Variants in POU3F3 observed in about 807,000 individuals in gnomAD.
The protein encoded by POU3F3 is POU domain, class 3, transcription factor 3.
POU3F3 carries 1 observed loss-of-function variant against 8.6 expected under a neutral mutation model. That is an observed-to-expected ratio of 0.12 (90% CI 0.04 to 0.55). POU3F3 has a LOEUF of 0.55. Ranked by LOEUF, POU3F3 falls within the 20% of genes least tolerant of loss-of-function variation. The probability of loss-of-function intolerance (pLI) is 0.91; values close to 1 mark genes in which losing one functional copy is unlikely to be tolerated. For missense variants in POU3F3, 577 were observed against 690.7 expected, an observed-to-expected ratio of 0.84 and a Z score of 1.84; for synonymous variants, 418 against 327.4, an observed-to-expected ratio of 1.28 and a Z score of -2.99.
At chr2:104,879,622 G>A in the POU3F3 span, among the ~76,000 whole-genome samples, 1 of 152,142 alleles carries the variant, frequency 6.6e-6, no homozygotes, top group Non-Finnish European at 1.5e-5. Context: ...GGGTGGCCCT[G>A]AAGTGGGGTG....
chr2:104,900,942 T>C, the POU3F3 span, among the ~76,000 whole-genome samples: 15 of 152,360 alleles, frequency 9.8e-5, no homozygotes, highest in African/African-American at 3.1e-4. Context: ...CCCATATCAC[T>C]TTATTTTACC....
chr2:104,899,369 A>G, the POU3F3 span, among the ~76,000 whole-genome samples: 1 of 152,042 alleles, frequency 6.6e-6, no homozygotes, highest in African/African-American at 2.4e-5. Context: ...CTAAAAAGAG[A>G]CCCATTTTTC....
At chr2:104,879,489 T>C in the POU3F3 span, among the ~76,000 whole-genome samples, 2 of 151,878 alleles carry the variant, frequency 1.3e-5, no homozygotes, top group African/African-American at 4.8e-5. Context: ...TCCCAATTTC[T>C]TTGAAAAAAA....
At chr2:104,889,380 C>T in the POU3F3 span, among the ~76,000 whole-genome samples, 3 of 152,174 alleles carry the variant, frequency 2.0e-5, no homozygotes, top group East Asian at 1.9e-4. Context: ...AGGTTCCACC[C>T]AGGAAGAGGA....
upstream of POU3F3, among the ~76,000 whole-genome samples, chr2:104,854,083 T>C (rs1171832385): frequency 6.6e-6 from 1 of 151,762 alleles, no homozygotes; most frequent in East Asian, 1.9e-4. The surrounding 1 kb of genome is among the most constrained non-coding windows in gnomAD (Gnocchi z 4.5). Context: ...GAAAGTGTGG[T>C]GGTGGGTGCG....
At chr2:104,902,163 C>T in the POU3F3 span, among the ~76,000 whole-genome samples, 1 of 152,140 alleles carries the variant, frequency 6.6e-6, no homozygotes, top group African/African-American at 2.4e-5. Context: ...TTACCTGCAA[C>T]CTTCTCCTTG....
the POU3F3 span, among the ~76,000 whole-genome samples, chr2:104,893,224 T>C: frequency 6.6e-6 from 1 of 152,126 alleles, no homozygotes; most frequent in East Asian, 1.9e-4. Context: ...TAAACACAGG[T>C]TGACAAAGAT....
At chr2:104,900,260 T>G in the POU3F3 span, among the ~76,000 whole-genome samples, 1 of 152,202 alleles carries the variant, frequency 6.6e-6, no homozygotes, top group Non-Finnish European at 1.5e-5. Flanking sequence ...ACACTGCGCA[T>G]GGTTAGATGA....
At chr2:104,922,351 T>G in the POU3F3 span, among the ~76,000 whole-genome samples, 2 of 146,908 alleles carry the variant, frequency 1.4e-5, no homozygotes, top group Non-Finnish European at 3.0e-5. Flanking sequence ...GATGACAGCC[T>G]TGCTAGACAA....
At chr2:104,889,344 G>A in the POU3F3 span, among the ~76,000 whole-genome samples, 1 of 152,096 alleles carries the variant, frequency 6.6e-6, no homozygotes, top group Non-Finnish European at 1.5e-5. Context: ...TGCTAGTGCG[G>A]CTTCCCACCT....
chr2:104,864,153 A>T, the POU3F3 span, among the ~76,000 whole-genome samples: 33 of 152,252 alleles, frequency 2.2e-4, no homozygotes, highest in African/African-American at 7.9e-4. Context: ...CTGCGGGGAG[A>T]TCCTGAGACC....
the POU3F3 span, among the ~76,000 whole-genome samples, chr2:104,911,414 C>CA: frequency 0.17 from 10,526 of 60,420 alleles, 812 homozygotes; most frequent in East Asian, 0.4. Context: ...GACTCCGTCT[C>CA]AAAAAAAAAA....
At chr2:104,890,621 G>A in the POU3F3 span, among the ~76,000 whole-genome samples, 4 of 152,204 alleles carry the variant, frequency 2.6e-5, no homozygotes, top group Middle Eastern at 6.8e-3. Flanking sequence ...GGCTATCCTG[G>A]GTCTCCTGGC....
chr2:104,916,748 A>T, the POU3F3 span, among the ~76,000 whole-genome samples: 1 of 152,184 alleles, frequency 6.6e-6, no homozygotes, highest in African/African-American at 2.4e-5. Context: ...GGTAGCAAGG[A>T]TGATCTGGGG....
the POU3F3 span, among the ~76,000 whole-genome samples, chr2:104,914,647 G>A: frequency 0.018 from 2,669 of 152,246 alleles, 73 homozygotes; most frequent in African/African-American, 0.061. Context: ...TGTGTCTGGC[G>A]ATTGGAAGAC....
In POU3F3 at chr2:104,856,286, T is replaced by G; in HGVS notation, c.776T>G (p.Leu259Arg). 1 of 1,471,916 alleles carries G rather than the reference T, an allele frequency of 6.8e-7. No individual in the cohort carries two copies. Among genetic ancestry groups the G allele is most frequent in the Non-Finnish European group, 8.9e-7 (1 of 1,120,922 alleles). 91.2% of individuals were successfully genotyped at this position (1,471,916 alleles called of 1,614,324 possible). A position where few individuals can be genotyped will look rare whatever the true frequency, so the allele number is the denominator to read the frequency against. The change falls in exon 1 of 1, where the codon CTG becomes CGG. Residue 259 changes from leucine (L) to arginine (R), a missense_variant. Leu to Arg is a moderately radical substitution (Grantham distance 102). Transcript: ENST00000361360. ...GGAQSLVHPG[L>R]VRGDTPELAE... ...GCCCAGAGCTTGGTGCACCCGGGGC[T>G]GGTGCGCGGGGACACGCCAGAGCTG...
At chr2:104,863,949 C>G in the POU3F3 span, among the ~76,000 whole-genome samples, 1 of 152,232 alleles carries the variant, frequency 6.6e-6, no homozygotes, top group Non-Finnish European at 1.5e-5. Flanking sequence ...GTGGAAGTTT[C>G]GCGCCGCCAG....
chr2:104,904,284 G>GA, the POU3F3 span, among the ~76,000 whole-genome samples: 1 of 152,094 alleles, frequency 6.6e-6, no homozygotes, highest in Non-Finnish European at 1.5e-5. Context: ...AACCCTCTTA[G>GA]GTGATCAAAT....
chr2:104,920,878 A>C, the POU3F3 span, among the ~76,000 whole-genome samples: 1 of 152,130 alleles, frequency 6.6e-6, no homozygotes, highest in Non-Finnish European at 1.5e-5. Context: ...GTTGTGTTAC[A>C]ATCTCTAAGG....
Sources: allele counts gnomAD v4.1 joint callset (sites outside exome capture counted in the v4.1 genomes callset), GRCh38; gene constraint gnomAD v4.1.1; non-coding constraint Gnocchi (gnomAD v3.1); transcripts MANE v1.5; gene names NCBI Gene and HGNC (gene_info 2026-07-23, HGNC 2026-07-21).